LYRM4: variants seen among roughly 807,000 people sequenced by gnomAD.
LYRM4 encodes the protein LYR motif containing 4, also known as LYR motif-containing protein 4.
In LYRM4, 9 loss-of-function variants were observed where a neutral mutation model predicts 11.7. The ratio of observed to expected loss-of-function variants is 0.77; its 90% CI spans 0.46 to 1.34. The LOEUF (loss-of-function observed/expected upper bound fraction) is 1.34. Ranked by LOEUF, LYRM4 falls within the 40% of genes most tolerant of loss-of-function variation. The pLI is 0.00. For missense variants in LYRM4, 133 were observed against 112.5 expected (o/e 1.18, Z -0.82); for synonymous variants, 42 against 40.4 (o/e 1.04, Z -0.15).
chr6:5,086,443 G>A, the LYRM4 span: 1 of 1,536,628 alleles, frequency 6.5e-7, no homozygotes, highest in South Asian at 1.2e-5. Context: ...GGACGCCGAC[G>A]AGCGCGGCGT....
intron 2 of LYRM4, among the ~76,000 whole-genome samples, chr6:5,178,279 A>G (rs146182662): frequency 1.3e-5 from 2 of 152,148 alleles, no homozygotes; most frequent in Non-Finnish European, 2.9e-5. Context: ...CCACTATACT[A>G]CTCAATTTTC....
At chr6:5,149,598 C>A (rs1194018740) in intron 2 of LYRM4, among the ~76,000 whole-genome samples, 1 of 117,082 alleles carries the variant, frequency 8.5e-6, no homozygotes, top group Non-Finnish European at 1.6e-5. Flanking sequence ...ATCTGAAAAT[C>A]TTGGTATGTC....
chr6:5,113,786 T>G (rs551068523), intron 2 of LYRM4, among the ~76,000 whole-genome samples: 1 of 151,752 alleles, frequency 6.6e-6, no homozygotes, highest in Non-Finnish European at 1.5e-5. Context: ...AGGCTGGTCT[T>G]GAACTCCTGG....
chr6:5,188,942 T>G (rs1760585770), intron 2 of LYRM4, among the ~76,000 whole-genome samples: 1 of 152,146 alleles, frequency 6.6e-6, no homozygotes, highest in Non-Finnish European at 1.5e-5. Flanking sequence ...TATTTTTTTG[T>G]AGAGACAGGG....
chr6:5,038,558 G>C, the LYRM4 span, among the ~76,000 whole-genome samples: 2 of 64,932 alleles, frequency 3.1e-5, 1 homozygote, highest in African/African-American at 8.1e-5. Flanking sequence ...AGGTTGTAGC[G>C]AGCCGAGATC....
intron 2 of LYRM4, among the ~76,000 whole-genome samples, chr6:5,142,415 C>T (rs1757457677): frequency 6.6e-6 from 1 of 152,230 alleles, no homozygotes; most frequent in African/African-American, 2.4e-5. Flanking sequence ...GCTTTCCAAT[C>T]TTCCAGCTGA....
chr6:5,174,667 A>G (rs77851384), intron 2 of LYRM4, among the ~76,000 whole-genome samples: 2,002 of 152,278 alleles, frequency 0.013, 39 homozygotes, highest in African/African-American at 0.044. Flanking sequence ...TATTTTGTCT[A>G]ATTTTCTATA....
intron 2 of LYRM4, among the ~76,000 whole-genome samples, chr6:5,127,797 A>G (rs1279475405): frequency 6.6e-6 from 1 of 152,242 alleles, no homozygotes; most frequent in Non-Finnish European, 1.5e-5. Context: ...TCTAATAGAC[A>G]ATGTGATCTG....
At chr6:5,115,257 T>C (rs1421279322) in intron 2 of LYRM4, among the ~76,000 whole-genome samples, 1 of 152,236 alleles carries the variant, frequency 6.6e-6, no homozygotes, top group Non-Finnish European at 1.5e-5. Context: ...AATATTTTGA[T>C]GGTTACTGAT....
chr6:5,210,670 C>T (rs1401166126), intron 2 of LYRM4, among the ~76,000 whole-genome samples: 2 of 152,096 alleles, frequency 1.3e-5, no homozygotes, highest in Non-Finnish European at 2.9e-5. Context: ...AACAATTTGC[C>T]TTTTTCTCCT....
chr6:5,242,939 A>T (rs1019064519), intron 1 of LYRM4, among the ~76,000 whole-genome samples: 2 of 150,674 alleles, frequency 1.3e-5, no homozygotes, highest in African/African-American at 4.9e-5. Context: ...GCGCCCGGCT[A>T]ATTTTTTGTA....
chr6:5,075,316 C>T, the LYRM4 span, among the ~76,000 whole-genome samples: 1 of 152,192 alleles, frequency 6.6e-6, no homozygotes, highest in Non-Finnish European at 1.5e-5. Flanking sequence ...TATGACTTCT[C>T]AGCTAAATTT....
the LYRM4 span, among the ~76,000 whole-genome samples, chr6:5,074,770 A>G: frequency 6.6e-6 from 1 of 152,042 alleles, no homozygotes; most frequent in African/African-American, 2.4e-5. Context: ...ACTGGCTTTT[A>G]TATACACGTT....
intron 1 of LYRM4, among the ~76,000 whole-genome samples, chr6:5,248,488 C>T (rs1388828313): frequency 6.6e-6 from 1 of 152,252 alleles, no homozygotes; most frequent in Non-Finnish European, 1.5e-5. Context: ...ATACAAAGCT[C>T]TCTGTGATTA....
the LYRM4 span, among the ~76,000 whole-genome samples, chr6:5,064,927 C>T: frequency 2.0e-5 from 3 of 152,060 alleles, no homozygotes; most frequent in East Asian, 1.9e-4. Flanking sequence ...GGCTTAGTCT[C>T]GGTGTTGCAC....
At chr6:5,080,347 T>G in the LYRM4 span, among the ~76,000 whole-genome samples, 577 of 152,350 alleles carry the variant, frequency 3.8e-3, 2 homozygotes, top group African/African-American at 0.013. Flanking sequence ...GAGTGGAACC[T>G]GCAATTCTCC....
At chr6:5,252,914 G>C (rs1764500647) in intron 1 of LYRM4, among the ~76,000 whole-genome samples, 1 of 151,934 alleles carries the variant, frequency 6.6e-6, no homozygotes, top group African/African-American at 2.4e-5. Context: ...CCTTTCCTAT[G>C]TGAGAAGAAT....
intron 2 of LYRM4, among the ~76,000 whole-genome samples, chr6:5,127,746 C>A (rs970497940): frequency 8.5e-5 from 13 of 152,198 alleles, no homozygotes; most frequent in Non-Finnish European, 1.9e-4. Flanking sequence ...GGCAACTAGA[C>A]AATTACACAT....
chr6:5,195,285 C>T (rs1177516977), intron 2 of LYRM4, among the ~76,000 whole-genome samples: 1 of 152,054 alleles, frequency 6.6e-6, no homozygotes, highest in Non-Finnish European at 1.5e-5. Context: ...TTAACCTTCC[C>T]TTGCAGAGGG....
Sources: gnomAD v4.1 joint callset for allele counts (sites outside exome capture counted in the v4.1 genomes callset) on GRCh38, gnomAD v4.1.1 for gene constraint, MANE v1.5 for transcripts, NCBI Gene and HGNC (gene_info 2026-07-23, HGNC 2026-07-21) for gene names.